MDGA2: variants seen among roughly 807,000 people sequenced by gnomAD.
The protein encoded by MDGA2 is MAM domain-containing glycosylphosphatidylinositol anchor protein 2.
MDGA2 carries 40 observed loss-of-function variants against 117.8 expected under a neutral mutation model. That is an observed-to-expected ratio of 0.34 (90% confidence interval 0.26 to 0.44). The LOEUF is 0.44. MDGA2 is among the 20% of genes least tolerant of loss of function. The pLI, the probability that MDGA2 is intolerant of heterozygous loss-of-function variation, is 1.00. For synonymous variants in MDGA2, 452 were observed against 439.0 expected, an observed-to-expected ratio of 1.03 and a Z score of -0.37; for missense variants, 1,123 against 1,250.6, an observed-to-expected ratio of 0.90 and a Z score of 1.54.
chr14:46,922,748 T>C (rs902729923), intron 9 of MDGA2, among the ~76,000 whole-genome samples: 1 of 152,148 alleles, frequency 6.6e-6, no homozygotes, highest in Non-Finnish European at 1.5e-5. Flanking sequence ...ACAAAAGATG[T>C]AAAAACTTAT....
chr14:47,283,039 G>A (rs181225409), intron 2 of MDGA2, among the ~76,000 whole-genome samples: 1 of 152,322 alleles, frequency 6.6e-6, no homozygotes. Flanking sequence ...TCTCTTTAGT[G>A]ATGAAGTCAT....
chr14:47,129,238 C>G (rs1420612691), intron 5 of MDGA2, among the ~76,000 whole-genome samples: 3 of 148,202 alleles, frequency 2.0e-5, no homozygotes, highest in Admixed American at 6.8e-5. Flanking sequence ...AATGCTATAG[C>G]TCCCCCCCCG....
intron 1 of MDGA2, 43 bp downstream of exon 1, chr14:47,674,474 C>T (rs749173503): frequency 3.4e-5 from 51 of 1,513,026 alleles, no homozygotes; most frequent in South Asian, 7.5e-5. Flanking sequence ...GCCTATCTTG[C>T]CTAAGAATCA....
intron 8 of MDGA2, among the ~76,000 whole-genome samples, chr14:46,960,947 T>C (rs944315635): frequency 2.2e-5 from 3 of 137,072 alleles, no homozygotes; most frequent in African/African-American, 8.6e-5. Flanking sequence ...CGTATATATA[T>C]ATACACACAC....
chr14:47,588,785 C>G (rs937346552), intron 1 of MDGA2, among the ~76,000 whole-genome samples: 3 of 151,834 alleles, frequency 2.0e-5, no homozygotes, highest in Admixed American at 6.6e-5. Flanking sequence ...TAATAAATTA[C>G]CACAAACCTA....
At chr14:47,132,442 G>A (rs886734198) in intron 4 of MDGA2, among the ~76,000 whole-genome samples, 1 of 151,886 alleles carries the variant, frequency 6.6e-6, no homozygotes, top group East Asian at 1.9e-4. Context: ...TATTATTATT[G>A]TTCTTGTTAT....
intron 8 of MDGA2, among the ~76,000 whole-genome samples, chr14:46,983,943 A>G (rs1452623197): frequency 6.6e-6 from 1 of 151,936 alleles, no homozygotes; most frequent in Non-Finnish European, 1.5e-5. Flanking sequence ...GAATATTACA[A>G]GTATATTTAT....
chr14:47,431,771 A>G (rs1892804092), intron 1 of MDGA2, among the ~76,000 whole-genome samples: 1 of 152,082 alleles, frequency 6.6e-6, no homozygotes, highest in African/African-American at 2.4e-5. Flanking sequence ...GAGACTTAGT[A>G]ACTAAAAACA....
intron 9 of MDGA2, among the ~76,000 whole-genome samples, chr14:46,944,016 T>C (rs1197676619): frequency 6.6e-6 from 1 of 152,026 alleles, no homozygotes; most frequent in Non-Finnish European, 1.5e-5. Context: ...AATTGAAAGA[T>C]AAAAGAAACT....
At chr14:47,275,624 A>G (rs891793560) in intron 2 of MDGA2, among the ~76,000 whole-genome samples, 2 of 152,174 alleles carry the variant, frequency 1.3e-5, no homozygotes, top group Admixed American at 6.6e-5. Flanking sequence ...ATGTAATACT[A>G]TAATTCCATG....
chr14:47,099,552 C>A (rs1006019187), intron 5 of MDGA2, among the ~76,000 whole-genome samples: 1 of 151,914 alleles, frequency 6.6e-6, no homozygotes, highest in African/African-American at 2.4e-5. Context: ...GTTTTTTCTT[C>A]ATATTACCTT....
chr14:47,152,187 A>T (rs1883188505), intron 3 of MDGA2, among the ~76,000 whole-genome samples: 1 of 152,186 alleles, frequency 6.6e-6, no homozygotes, highest in Admixed American at 6.5e-5. Context: ...GGTATGAAAA[A>T]TTTGACATAG....
chr14:47,259,003 A>T (rs1184054343), intron 2 of MDGA2, among the ~76,000 whole-genome samples: 1 of 152,128 alleles, frequency 6.6e-6, no homozygotes, highest in Admixed American at 6.6e-5. Context: ...TGTTGAAAAC[A>T]AAAAGAATTG....
At chr14:47,373,460 A>G (rs1891409993) in intron 1 of MDGA2, among the ~76,000 whole-genome samples, 2 of 152,144 alleles carry the variant, frequency 1.3e-5, no homozygotes, top group South Asian at 2.1e-4. Flanking sequence ...ATATAATGAA[A>G]TATTTTTGGT....
At chr14:47,161,791 T>A (rs566710784) in intron 3 of MDGA2, among the ~76,000 whole-genome samples, 2 of 152,026 alleles carry the variant, frequency 1.3e-5, no homozygotes, top group East Asian at 3.9e-4. Flanking sequence ...TCAACTCTTA[T>A]ATTTTGTTTT....
At chr14:46,963,958 G>A (rs925756342) in intron 8 of MDGA2, among the ~76,000 whole-genome samples, 2 of 152,158 alleles carry the variant, frequency 1.3e-5, no homozygotes, top group Non-Finnish European at 2.9e-5. Context: ...TGGAGTTTAT[G>A]TTCATTTCAT....
intron 14 of MDGA2, 73 bp downstream of exon 14, chr14:46,873,360 C>A: frequency 1.5e-6 from 2 of 1,347,210 alleles, no homozygotes; most frequent in Non-Finnish European, 2.0e-6. Flanking sequence ...TGTTTTAATG[C>A]TGTGTGTTTA....
intron 1 of MDGA2, among the ~76,000 whole-genome samples, chr14:47,541,133 A>G (rs1215109017): frequency 6.6e-6 from 1 of 152,164 alleles, no homozygotes; most frequent in Non-Finnish European, 1.5e-5. Flanking sequence ...CCCTGAGTGA[A>G]GTGATGAATG....
intron 1 of MDGA2, among the ~76,000 whole-genome samples, chr14:47,521,735 G>A (rs986855540): frequency 1.1e-4 from 16 of 152,014 alleles, no homozygotes; most frequent in East Asian, 7.7e-4. Flanking sequence ...GCAATGGCAC[G>A]GTCTCAGCTC....
Sources: gnomAD v4.1 joint callset for allele counts (sites outside exome capture counted in the v4.1 genomes callset) on GRCh38, gnomAD v4.1.1 for gene constraint, MANE v1.5 for transcripts, NCBI Gene and HGNC (gene_info 2026-07-23, HGNC 2026-07-21) for gene names.